ADGRL2: variants seen among roughly 807,000 people sequenced by gnomAD.
ADGRL2 encodes calcium-independent alpha-latrotoxin receptor 2.
A neutral mutation model predicts 157.4 loss-of-function variants in ADGRL2; 44 were observed. The observed-to-expected ratio is 0.28, with a 90% CI of 0.22 to 0.36. The LOEUF (loss-of-function observed/expected upper bound fraction) is 0.36. Ranked by LOEUF, ADGRL2 falls within the 10% of genes least tolerant of loss-of-function variation. The pLI is 1.00. For missense variants in ADGRL2, 1,510 were observed against 1,768.9 expected (o/e 0.85, Z 2.63); for synonymous variants, 585 against 624.7 (o/e 0.94, Z 0.95).
At chr1:81,403,840 C>G (rs1177858202) in intron 1 of ADGRL2, among the ~76,000 whole-genome samples, 1 of 145,874 alleles carries the variant, frequency 6.9e-6, no homozygotes, top group Non-Finnish European at 1.5e-5. Flanking sequence ...CTCTATTGTC[C>G]AGGCTGGAGT....
intron 2 of ADGRL2, among the ~76,000 whole-genome samples, chr1:81,558,482 T>C (rs80066024): frequency 0.053 from 8,000 of 152,240 alleles, 575 homozygotes; most frequent in East Asian, 0.29. Flanking sequence ...GGCTGAAATG[T>C]CTCACCCACT....
chr1:81,929,883 A>G (rs189117483), intron 3 of ADGRL2, among the ~76,000 whole-genome samples: 208 of 152,260 alleles, frequency 1.4e-3, no homozygotes, highest in African/African-American at 4.8e-3. Flanking sequence ...TTGTGCAGAG[A>G]GTTGCCTGCA....
At chr1:81,634,135 C>A (rs962379942) in intron 3 of ADGRL2, among the ~76,000 whole-genome samples, 1 of 152,118 alleles carries the variant, frequency 6.6e-6, no homozygotes, top group African/African-American at 2.4e-5. Context: ...GAAGCCAAGG[C>A]AAGAGAATGT....
At chr1:81,527,135 G>T (rs1399673971) in intron 2 of ADGRL2, among the ~76,000 whole-genome samples, 1 of 152,156 alleles carries the variant, frequency 6.6e-6, no homozygotes, top group African/African-American at 2.4e-5. Context: ...AATCTGTTAG[G>T]TACTATTAGG....
intron 2 of ADGRL2, among the ~76,000 whole-genome samples, chr1:81,527,740 C>T (rs2148218858): frequency 6.6e-6 from 1 of 151,574 alleles, no homozygotes; most frequent in Admixed American, 6.6e-5. Flanking sequence ...GAGGGAGCTG[C>T]CTTGTCCTTT....
intron 3 of ADGRL2, among the ~76,000 whole-genome samples, chr1:81,674,185 G>A (rs2148927694): frequency 6.6e-6 from 1 of 151,382 alleles, no homozygotes; most frequent in African/African-American, 2.4e-5. Context: ...TACCTTTTTT[G>A]CCTTGAAACA....
chr1:81,436,221 C>T lies in ADGRL2; in HGVS notation c.-301-8815C>T, dbSNP rs139064296. ...CAATCAGCAAAACACCAAAGAAGCA[C>T]AGGGCAGACACGGCTCGGTCCTCCA... On this transcript the variant is annotated intron_variant, in intron 1 of 24. Transcript: ENST00000370721. Among the ~76,000 whole-genome samples the T allele has an allele frequency of 7.1e-3, 1,078 of 152,232 alleles. 13 individuals are homozygous for T. The highest frequency in any genetic ancestry group is 0.024 in the African/African-American group (1,001 of 41,536).
chr1:81,912,537 G>C (rs2094754516), intron 3 of ADGRL2, among the ~76,000 whole-genome samples: 1 of 152,088 alleles, frequency 6.6e-6, no homozygotes, highest in Non-Finnish European at 1.5e-5. Flanking sequence ...GAATGTAAAG[G>C]AGAAACAAAT....
At chr1:81,486,432 C>T (rs2078501962) in intron 2 of ADGRL2, among the ~76,000 whole-genome samples, 1 of 151,926 alleles carries the variant, frequency 6.6e-6, no homozygotes, top group African/African-American at 2.4e-5. Flanking sequence ...AAAGCATTGA[C>T]ATCTTTGTAC....
intron 3 of ADGRL2, among the ~76,000 whole-genome samples, chr1:81,607,116 A>C (rs1053720960): frequency 6.6e-6 from 1 of 152,062 alleles, no homozygotes; most frequent in Non-Finnish European, 1.5e-5. Context: ...AATACCCTGG[A>C]CTCAATCCCA....
chr1:81,560,017 CAGA>C (rs2080404329), intron 2 of ADGRL2, among the ~76,000 whole-genome samples: 1 of 152,078 alleles, frequency 6.6e-6, no homozygotes. Flanking sequence ...AATTTACTGA[CAGA>C]AGAATTGTAA....
chr1:81,391,536 T>C (rs2076558988), intron 1 of ADGRL2, among the ~76,000 whole-genome samples: 1 of 152,292 alleles, frequency 6.6e-6, no homozygotes, highest in South Asian at 2.1e-4. Context: ...GCTCACATAT[T>C]TTTTTCTCTA....
At chr1:81,929,908 C>T (rs1377873310) in intron 3 of ADGRL2, among the ~76,000 whole-genome samples, 1 of 152,066 alleles carries the variant, frequency 6.6e-6, no homozygotes, top group Non-Finnish European at 1.5e-5. Flanking sequence ...CCCATTTAAC[C>T]TTAACAAACT....
At chr1:81,340,810 T>C (rs1662015240) in intron 1 of ADGRL2, among the ~76,000 whole-genome samples, 1 of 151,988 alleles carries the variant, frequency 6.6e-6, no homozygotes, top group Non-Finnish European at 1.5e-5. Flanking sequence ...AACTTCCTTC[T>C]AGAACAAACC....
chr1:81,696,021 CTGCTT>C (rs1162496323), upstream of ADGRL2, among the ~76,000 whole-genome samples: 1 of 152,102 alleles, frequency 6.6e-6, no homozygotes, highest in Non-Finnish European at 1.5e-5. Flanking sequence ...CCATCCAGTG[CTGCTT>C]ACCAGACCAC....
intron 3 of ADGRL2, among the ~76,000 whole-genome samples, chr1:81,661,046 A>G (rs899739851): frequency 3.3e-5 from 5 of 152,158 alleles, no homozygotes; most frequent in Admixed American, 1.3e-4. Context: ...TTTTCTTTGC[A>G]TTATTTTAAC....
At chr1:81,919,568 GT>G (rs1035612073) in intron 3 of ADGRL2, among the ~76,000 whole-genome samples, 1 of 149,824 alleles carries the variant, frequency 6.7e-6, no homozygotes, top group Admixed American at 6.7e-5. Flanking sequence ...TTTTTTTTAA[GT>G]TTTACTCTTG....
At chr1:81,475,193 T>C (rs186616615) in intron 2 of ADGRL2, among the ~76,000 whole-genome samples, 6,871 of 152,268 alleles carry the variant, frequency 0.045, 213 homozygotes, top group Admixed American at 0.086. Flanking sequence ...AAAACTTGTA[T>C]CTAAACACTT....
At chr1:81,629,928 A>G (rs1005486028) in intron 3 of ADGRL2, among the ~76,000 whole-genome samples, 1 of 151,940 alleles carries the variant, frequency 6.6e-6, no homozygotes, top group African/African-American at 2.4e-5. Context: ...ATCATAATGT[A>G]AAATGTACTT....
Sources: gnomAD v4.1 joint callset for allele counts (sites outside exome capture counted in the v4.1 genomes callset) on GRCh38, gnomAD v4.1.1 for gene constraint, MANE v1.5 for transcripts, NCBI Gene and HGNC (gene_info 2026-07-23, HGNC 2026-07-21) for gene names.